Variants in ABTB2 observed in about 807,000 individuals in gnomAD.
ABTB2 encodes ankyrin repeat and BTB/POZ domain-containing protein 2.
Under a neutral mutation model 104.1 loss-of-function variants are expected in ABTB2, and 56 were observed. The ratio of observed to expected loss-of-function variants is 0.54; its 90% CI spans 0.43 to 0.67. ABTB2 has a LOEUF of 0.67. Ranked by LOEUF, ABTB2 falls within the 30% of genes least tolerant of loss-of-function variation. The pLI, the probability that ABTB2 is intolerant of heterozygous loss-of-function variation, is 0.00. For synonymous variants in ABTB2, 606 were observed against 608.2 expected (o/e 1.00, Z 0.05); for missense variants, 1,279 against 1,407.7 (o/e 0.91, Z 1.46).
At chr11:34,347,580 C>T (rs1014966059) in intron 1 of ABTB2, among the ~76,000 whole-genome samples, 1 of 152,196 alleles carries the variant, frequency 6.6e-6, no homozygotes, top group African/African-American at 2.4e-5. Context: ...CTTCATAACA[C>T]TGGAGTCCGG....
chr11:34,218,944 C>A (rs1404529315), intron 1 of ABTB2, among the ~76,000 whole-genome samples: 2 of 150,786 alleles, frequency 1.3e-5, no homozygotes, highest in African/African-American at 4.9e-5. Flanking sequence ...TATTTCTGGG[C>A]TCTCTATTCT....
intron 1 of ABTB2, among the ~76,000 whole-genome samples, chr11:34,308,157 C>A: frequency 6.6e-6 from 1 of 152,210 alleles, no homozygotes; most frequent in East Asian, 1.9e-4. Context: ...GTGAGGATTA[C>A]ATGTGTGGAC....
At chr11:34,271,270 A>G (rs1421719172) in intron 1 of ABTB2, among the ~76,000 whole-genome samples, 1 of 152,238 alleles carries the variant, frequency 6.6e-6, no homozygotes, top group Non-Finnish European at 1.5e-5. Context: ...GGAAATGAAG[A>G]TAATAATCAC....
intron 2 of ABTB2, among the ~76,000 whole-genome samples, chr11:34,198,490 C>T (rs553516382): frequency 4.1e-4 from 62 of 151,734 alleles, no homozygotes; most frequent in African/African-American, 1.5e-3. Flanking sequence ...ATCTGATAAA[C>T]ATTTCCTGAC....
At chr11:34,350,885 T>C (rs1019479491) in intron 1 of ABTB2, among the ~76,000 whole-genome samples, 18 of 152,196 alleles carry the variant, frequency 1.2e-4, no homozygotes, top group African/African-American at 3.6e-4. Flanking sequence ...TTAGTTATTA[T>C]TGAGCTGTGA....
intron 1 of ABTB2, among the ~76,000 whole-genome samples, chr11:34,324,960 C>T (rs574037166): frequency 7.9e-5 from 12 of 152,290 alleles, no homozygotes; most frequent in Admixed American, 3.9e-4. Context: ...AGTTAGAGTG[C>T]TTTCCAGTTC....
chr11:34,225,190 G>A (rs901836903), intron 1 of ABTB2, among the ~76,000 whole-genome samples: 11 of 152,178 alleles, frequency 7.2e-5, no homozygotes, highest in Admixed American at 1.3e-4. Flanking sequence ...GGAGGTGGCC[G>A]TCAGGGAGGG....
rs575481051 is a variant in ABTB2, at chr11:34,226,036, T to A, written c.884-21346A>T. On this transcript the variant is annotated intron_variant, in intron 1 of 16. Transcript: ENST00000435224. Reference sequence around the variant, plus strand: ...CTGGGCAACATGGTGAAACCCCGTCTCTACCAAAAATACAAAAAATTAGCC... The same window carrying A: ...CTGGGCAACATGGTGAAACCCCGTCACTACCAAAAATACAAAAAATTAGCC... 2.6e-5 allele frequency among the ~76,000 whole-genome samples: 4 copies of A among 151,654 alleles called. No homozygotes were observed. In the East Asian group the frequency reaches 7.8e-4, roughly 30 times the overall value.
chr11:34,198,463 A>AC (rs67140955), intron 2 of ABTB2, among the ~76,000 whole-genome samples: 2 of 147,646 alleles, frequency 1.4e-5, no homozygotes, highest in Admixed American at 6.6e-5. Flanking sequence ...ACAAAAAAAA[A>AC]CAAAAACTTG....
rs1050540113 is a variant in ABTB2, at chr11:34,252,212, G to A, written c.884-47522C>T. Among the ~76,000 whole-genome samples the A allele has an allele frequency of 1.4e-4, 21 of 152,158 alleles. No individual in the cohort carries two copies. The highest frequency in any genetic ancestry group is 1.3e-3 in the Admixed American group (20 of 15,264). ...ACACCAGAGCTGGCCAGAGCCCCAC[G>A]ACTCCATGCCTGGGAAAGCCGTGGC... On this transcript the variant is annotated intron_variant, in intron 1 of 16. Transcript: ENST00000435224. The surrounding 1 kb of genome is among the most constrained non-coding windows in gnomAD (Gnocchi z 5.5).
chr11:34,246,719 C>T (rs981495827), intron 1 of ABTB2, among the ~76,000 whole-genome samples: 37 of 151,604 alleles, frequency 2.4e-4, no homozygotes, highest in African/African-American at 8.9e-4. Context: ...GAAAACCTCA[C>T]ATACTTCTTT....
chr11:34,344,707 G>A (rs1474025307), intron 1 of ABTB2, among the ~76,000 whole-genome samples: 1 of 152,058 alleles, frequency 6.6e-6, no homozygotes, highest in Non-Finnish European at 1.5e-5. Flanking sequence ...CGTGTTGCCC[G>A]GTCTGATCTC....
At chr11:34,253,286 A>AG (rs543337634) in intron 1 of ABTB2, among the ~76,000 whole-genome samples, 604 of 152,288 alleles carry the variant, frequency 4.0e-3, no homozygotes, top group Non-Finnish European at 6.6e-3. Context: ...AGTGACAGGG[A>AG]GCACTGTTCA....
In ABTB2 at chr11:34,159,962, C is replaced by A. The variant is rs1453088955; in HGVS notation, c.2550G>T (p.Leu850=). ...GTGCATAAAACAGCTTTCCTTCCACCAGGAAGGTCACATCTGACATCTCCT... is the reference window on the plus strand; with the variant it reads ...GTGCATAAAACAGCTTTCCTTCCACAAGGAAGGTCACATCTGACATCTCCT... ...NNKEMSDVTF[L]VEGKLFYAHK... Residue 850 remains leucine (L), a synonymous_variant, in exon 13 of 17, where the codon CTG becomes CTT. Coordinates refer to ENST00000435224, the MANE Select transcript of ABTB2 (RefSeq NM_145804.3). 1.4e-5 allele frequency: 23 copies of A among 1,613,850 alleles called. No individual in the cohort carries two copies. Among genetic ancestry groups the A allele is most frequent in the Non-Finnish European group, 1.9e-5 (22 of 1,179,942 alleles).
intron 1 of ABTB2, among the ~76,000 whole-genome samples, chr11:34,321,469 A>G (rs548585701): frequency 6.6e-6 from 1 of 152,390 alleles, no homozygotes; most frequent in South Asian, 2.1e-4. Flanking sequence ...TATTAGAGAC[A>G]ATATTGCTTT....
chr11:34,261,483 T>C lies in ABTB2; in HGVS notation c.884-56793A>G, dbSNP rs756166136. On this transcript the variant is annotated intron_variant, in intron 1 of 16. Transcript: ENST00000435224. ...TTTCAGGTTTACTCCAATTGCATTA[T>C]ATAAAAAAGTACTTTTTTTTTTTTT... Among the ~76,000 whole-genome samples, 69 of 142,422 alleles carry C rather than the reference T, an allele frequency of 4.8e-4. 1 individual carries two copies. The highest frequency in any genetic ancestry group is 8.1e-4 in the Non-Finnish European group (54 of 66,546). The allele number at this position is 142,422 out of a possible 152,430, so 93.4% of individuals were successfully genotyped here. A position where few individuals can be genotyped will look rare whatever the true frequency, so the allele number is the denominator to read the frequency against.
At chr11:34,351,655 G>T (rs1855399663) in intron 1 of ABTB2, among the ~76,000 whole-genome samples, 1 of 152,168 alleles carries the variant, frequency 6.6e-6, no homozygotes, top group Non-Finnish European at 1.5e-5. Flanking sequence ...TGTATGGCGG[G>T]ATCTATCATT....
At chr11:34,174,311 C>T (rs1310500679) in intron 3 of ABTB2, among the ~76,000 whole-genome samples, 3 of 122,080 alleles carry the variant, frequency 2.5e-5, no homozygotes, top group Non-Finnish European at 3.2e-5. Flanking sequence ...GGCGACAGGG[C>T]GAGACTCCGT....
intron 1 of ABTB2, among the ~76,000 whole-genome samples, chr11:34,326,239 A>G (rs1440590798): frequency 6.6e-6 from 1 of 152,210 alleles, no homozygotes; most frequent in Non-Finnish European, 1.5e-5. Context: ...TGGAAAATTA[A>G]GTATGTAGTT....
Sources: allele counts gnomAD v4.1 joint callset (sites outside exome capture counted in the v4.1 genomes callset), GRCh38; gene constraint gnomAD v4.1.1; non-coding constraint Gnocchi (gnomAD v3.1); transcripts MANE v1.5; gene names NCBI Gene and HGNC (gene_info 2026-07-23, HGNC 2026-07-21).